CASR: variants seen among roughly 807,000 people sequenced by gnomAD.
CASR encodes extracellular calcium-sensing receptor.
In CASR, 23 loss-of-function variants were observed where a neutral mutation model predicts 69.1. The ratio of observed to expected loss-of-function variants is 0.33; its 90% CI spans 0.24 to 0.47. The LOEUF (loss-of-function observed/expected upper bound fraction) is 0.47, where lower values mean the gene tolerates loss of function less well. Ranked by LOEUF, CASR falls within the 20% of genes least tolerant of loss-of-function variation. CASR has a pLI of 1.00. For synonymous variants in CASR, 541 were observed against 544.7 expected, an observed-to-expected ratio of 0.99 and a Z score of 0.10; for missense variants, 924 against 1,356.1, an observed-to-expected ratio of 0.68 and a Z score of 5.00.
intron 1 of CASR, among the ~76,000 whole-genome samples, chr3:122,236,880 G>GA (rs372388156): frequency 5.3e-5 from 8 of 151,702 alleles, no homozygotes; most frequent in Non-Finnish European, 7.4e-5. Context: ...AGTTAAGCCT[G>GA]AAAAAAAAGT....
chr3:122,235,776 C>T (rs1233312307), intron 1 of CASR, among the ~76,000 whole-genome samples: 1 of 152,150 alleles, frequency 6.6e-6, no homozygotes, highest in Admixed American at 6.5e-5. Context: ...ACCTGGGCAA[C>T]ATAGTGAGAC....
intron 1 of CASR, chr3:122,247,405 G>A (rs1470271707): frequency 6.6e-6 from 1 of 152,178 alleles, no homozygotes; most frequent in Non-Finnish European, 1.5e-5. Flanking sequence ...TTATTCCACA[G>A]AAATGTTTCT....
chr3:122,238,010 A>ATTCT (rs1284156555), intron 1 of CASR, among the ~76,000 whole-genome samples: 1 of 152,208 alleles, frequency 6.6e-6, no homozygotes, highest in African/African-American at 2.4e-5. Flanking sequence ...TCTGAACAGA[A>ATTCT]GCCTCCACTG....
intron 4 of CASR, among the ~76,000 whole-genome samples, chr3:122,269,306 T>G (rs936159006): frequency 1.3e-5 from 2 of 152,212 alleles, no homozygotes; most frequent in African/African-American, 4.8e-5. Context: ...CTGCATCTGA[T>G]CAGGGGGAAA....
rs2074989546 is a variant in CASR, at chr3:122,288,756, T to G, written c.*3565T>G. 1 of 152,112 alleles carries G rather than the reference T, an allele frequency of 6.6e-6. No individual in the cohort carries two copies. The highest frequency in any genetic ancestry group is 2.4e-5 in the African/African-American group (1 of 41,418). 9.4% of individuals were successfully genotyped at this position (152,112 alleles called of 1,614,324 possible). On this transcript the variant is annotated 3_prime_UTR_variant, in exon 7 of 7. Coordinates refer to ENST00000639785, the MANE Select transcript of CASR (RefSeq NM_000388.4). ...TTGCTTTTCTCTTGAATAAAGGAAG[T>G]CAGGAGGTAAATATATGATCACCTT...
chr3:122,229,488 A>G (rs527841732), intron 1 of CASR, among the ~76,000 whole-genome samples: 4 of 152,382 alleles, frequency 2.6e-5, no homozygotes, highest in African/African-American at 9.6e-5. Context: ...ATTTGGCCAT[A>G]TCTTAATGTT....
At chr3:122,217,118 T>C (rs1051750163) in intron 1 of CASR, among the ~76,000 whole-genome samples, 1 of 151,902 alleles carries the variant, frequency 6.6e-6, no homozygotes. Flanking sequence ...ATTTTTTTTT[T>C]TTTTTGAGAC....
intron 3 of CASR, among the ~76,000 whole-genome samples, chr3:122,261,259 C>A (rs1404313350): frequency 6.6e-6 from 1 of 152,178 alleles, no homozygotes; most frequent in Admixed American, 6.5e-5. Flanking sequence ...TATGGCCAGA[C>A]CCAGTTTTGA....
chr3:122,287,497 G>C lies in CASR; in HGVS notation c.*2306G>C, dbSNP rs760368468. On this transcript the variant is annotated 3_prime_UTR_variant, in exon 7 of 7. Transcript: ENST00000639785. ...TAGTGACAGAAACTTCATCTTAGTC[G>C]AATCGGGGTTTTCACAGTAACCTCA... The C allele has an allele frequency of 6.6e-6, 1 of 152,162 alleles. No homozygotes were observed. The highest frequency in any genetic ancestry group is 1.5e-5 in the Non-Finnish European group (1 of 68,050). 9.4% of individuals were successfully genotyped at this position (152,162 alleles called of 1,614,324 possible). A position where few individuals can be genotyped will look rare whatever the true frequency, so the allele number is the denominator to read the frequency against.
intron 4 of CASR, among the ~76,000 whole-genome samples, chr3:122,273,883 C>A (rs2074786319): frequency 2.0e-5 from 3 of 152,054 alleles, no homozygotes; most frequent in African/African-American, 7.2e-5. Flanking sequence ...AGGATGTACA[C>A]CACTCTGGGT....
At chr3:122,200,492 G>A (rs2073937504) in intron 1 of CASR, among the ~76,000 whole-genome samples, 1 of 152,072 alleles carries the variant, frequency 6.6e-6, no homozygotes, top group Non-Finnish European at 1.5e-5. Flanking sequence ...ATGGAGTCAT[G>A]CTCTTTGCAC....
At chr3:122,279,063 T>C (rs555548841) in intron 5 of CASR, among the ~76,000 whole-genome samples, 1 of 152,294 alleles carries the variant, frequency 6.6e-6, no homozygotes, top group African/African-American at 2.4e-5. Flanking sequence ...GGGAACCTTC[T>C]TTAAGAAAGT....
intron 1 of CASR, among the ~76,000 whole-genome samples, chr3:122,241,278 A>C (rs1457472727): frequency 6.6e-6 from 1 of 152,138 alleles, no homozygotes; most frequent in East Asian, 1.9e-4. Flanking sequence ...AAAATTGACA[A>C]ACCTTTAGCC....
intron 2 of CASR, 119 bp downstream of exon 2, chr3:122,254,493 T>C (rs2074533525): frequency 9.8e-7 from 1 of 1,016,076 alleles, no homozygotes; most frequent in Non-Finnish European, 1.5e-6. Context: ...TAGTGATTGA[T>C]TGGTAATCAT....
intron 4 of CASR, among the ~76,000 whole-genome samples, chr3:122,263,867 G>A (rs928490604): frequency 1.3e-5 from 2 of 152,136 alleles, no homozygotes; most frequent in African/African-American, 4.8e-5. Context: ...AAGGTATGGG[G>A]TTTTAAGTAG....
At chr3:122,259,381 CAAT>C (rs1330647671) in intron 3 of CASR, among the ~76,000 whole-genome samples, 1 of 152,040 alleles carries the variant, frequency 6.6e-6, no homozygotes, top group Non-Finnish European at 1.5e-5. Context: ...CTCTGAAAAA[CAAT>C]AACATCTAAA....
intron 1 of CASR, among the ~76,000 whole-genome samples, chr3:122,249,169 G>A (rs2074457447): frequency 6.6e-6 from 1 of 152,212 alleles, no homozygotes; most frequent in Non-Finnish European, 1.5e-5. Flanking sequence ...CTGGGTGCTA[G>A]GCAACAATGG....
intron 1 of CASR, among the ~76,000 whole-genome samples, chr3:122,218,311 G>A (rs1039481163): frequency 5.3e-5 from 8 of 151,832 alleles, no homozygotes; most frequent in Non-Finnish European, 1.0e-4. Flanking sequence ...TGAGGCGGGC[G>A]GATCATGAGG....
chr3:122,257,453 T>C (rs1268113665), intron 3 of CASR, 66 bp downstream of exon 3: 13 of 1,178,244 alleles, frequency 1.1e-5, no homozygotes, highest in East Asian at 2.3e-5. Context: ...GGGGGTGCCA[T>C]GCCCAATAGC....
Sources: allele counts gnomAD v4.1 joint callset (sites outside exome capture counted in the v4.1 genomes callset), GRCh38; gene constraint gnomAD v4.1.1; transcripts MANE v1.5; gene names NCBI Gene and HGNC (gene_info 2026-07-23, HGNC 2026-07-21).